ZNF385D: variants seen among roughly 807,000 people sequenced by gnomAD.
ZNF385D encodes zinc finger protein 385D, also known as zinc finger protein 659.
A neutral mutation model predicts 35.8 loss-of-function variants in ZNF385D; 15 were observed. The observed-to-expected ratio is 0.42, with a 90% CI of 0.28 to 0.64. ZNF385D has a LOEUF of 0.64. Among genes scored for constraint, ZNF385D ranks in the 30% least tolerant of loss-of-function variants. The probability of loss-of-function intolerance (pLI) is 0.23; values close to 1 mark genes in which losing one functional copy is unlikely to be tolerated. For synonymous variants in ZNF385D, 212 were observed against 186.8 expected, an observed-to-expected ratio of 1.13 and a Z score of -1.10; for missense variants, 474 against 494.6, an observed-to-expected ratio of 0.96 and a Z score of 0.39.
intron 3 of ZNF385D, among the ~76,000 whole-genome samples, chr3:22,032,260 C>G (rs1169062542): frequency 1.3e-5 from 2 of 152,204 alleles, no homozygotes; most frequent in Non-Finnish European, 2.9e-5. Context: ...CCCACATTTT[C>G]ACATTATCTT....
intron 3 of ZNF385D, among the ~76,000 whole-genome samples, chr3:22,153,157 T>C (rs1033364528): frequency 3.9e-5 from 6 of 152,206 alleles, no homozygotes; most frequent in African/African-American, 1.4e-4. Context: ...CTGTGACTGG[T>C]GAACTCATAT....
intron 4 of ZNF385D, among the ~76,000 whole-genome samples, chr3:21,507,889 T>C (rs1489491616): frequency 1.3e-5 from 2 of 152,196 alleles, no homozygotes; most frequent in African/African-American, 4.8e-5. Context: ...GTCTACGAAA[T>C]GGGTGTCTTT....
chr3:21,549,394 T>C (rs1410980906), intron 3 of ZNF385D, among the ~76,000 whole-genome samples: 1 of 152,236 alleles, frequency 6.6e-6, no homozygotes, highest in African/African-American at 2.4e-5. Flanking sequence ...CCAGTATTTT[T>C]TGCTCTGTCC....
chr3:22,346,930 A>G (rs1314428222), intron 2 of ZNF385D, among the ~76,000 whole-genome samples: 2 of 152,204 alleles, frequency 1.3e-5, no homozygotes, highest in Non-Finnish European at 2.9e-5. Context: ...GATCAGTCAG[A>G]TGTTGTTAAT....
intron 3 of ZNF385D, among the ~76,000 whole-genome samples, chr3:21,817,944 A>G (rs2073225909): frequency 2.0e-5 from 3 of 152,342 alleles, no homozygotes; most frequent in Middle Eastern, 6.8e-3. Context: ...TCCATCAGTG[A>G]CAGACTGGAT....
chr3:21,660,973 C>G (rs1467202116), intron 2 of ZNF385D, among the ~76,000 whole-genome samples: 1 of 152,142 alleles, frequency 6.6e-6, no homozygotes, highest in South Asian at 2.1e-4. Flanking sequence ...GGCTTATATG[C>G]CCATGGATCC....
intron 1 of ZNF385D, among the ~76,000 whole-genome samples, chr3:21,665,285 C>G (rs2066371296): frequency 6.6e-6 from 1 of 152,154 alleles, no homozygotes; most frequent in African/African-American, 2.4e-5. Flanking sequence ...ATGCCCCAAC[C>G]TGTCTTTATT....
chr3:21,969,830 C>G (rs1342625588), intron 3 of ZNF385D, among the ~76,000 whole-genome samples: 1 of 152,074 alleles, frequency 6.6e-6, no homozygotes, highest in African/African-American at 2.4e-5. Context: ...CTGTGTCACC[C>G]TATCTCAGCT....
intron 3 of ZNF385D, among the ~76,000 whole-genome samples, chr3:22,160,518 T>C (rs112912883): frequency 2.8e-4 from 42 of 152,236 alleles, no homozygotes; most frequent in East Asian, 7.7e-4. Context: ...ATCTTGTAAA[T>C]TGAAAATCTT....
intron 2 of ZNF385D, among the ~76,000 whole-genome samples, chr3:22,268,547 C>A (rs1701012750): frequency 1.3e-5 from 2 of 151,966 alleles, no homozygotes. Flanking sequence ...AACCCAAAAG[C>A]AGTAAGGGGC....
At chr3:22,100,411 T>C (rs1559368729) in intron 3 of ZNF385D, among the ~76,000 whole-genome samples, 1 of 149,776 alleles carries the variant, frequency 6.7e-6, no homozygotes, top group Admixed American at 6.7e-5. Flanking sequence ...GTATTCACAA[T>C]AGCAAAGACT....
chr3:22,004,278 A>G (rs1013382561), intron 3 of ZNF385D, among the ~76,000 whole-genome samples: 1 of 152,312 alleles, frequency 6.6e-6, no homozygotes, highest in South Asian at 2.1e-4. Flanking sequence ...GCATATTCAA[A>G]AAATGACTCA....
At chr3:21,799,327 T>C (rs764723719) in intron 3 of ZNF385D, among the ~76,000 whole-genome samples, 4 of 152,180 alleles carry the variant, frequency 2.6e-5, no homozygotes, top group Non-Finnish European at 5.9e-5. Flanking sequence ...TGCCAAGTCA[T>C]ATGGTAACTG....
intron 4 of ZNF385D, among the ~76,000 whole-genome samples, chr3:21,476,232 C>T (rs1704236937): frequency 2.0e-5 from 3 of 152,052 alleles, no homozygotes; most frequent in Non-Finnish European, 2.9e-5. Flanking sequence ...TATTGGTGAT[C>T]TCAGTCTGGA....
chr3:22,258,287 A>G (rs544157084), intron 2 of ZNF385D, among the ~76,000 whole-genome samples: 1 of 151,980 alleles, frequency 6.6e-6, no homozygotes, highest in East Asian at 1.9e-4. Flanking sequence ...AGGAAGACAT[A>G]AAATTATACA....
intron 3 of ZNF385D, among the ~76,000 whole-genome samples, chr3:21,772,768 C>A (rs2071130472): frequency 6.6e-6 from 1 of 151,920 alleles, no homozygotes; most frequent in Admixed American, 6.6e-5. Flanking sequence ...ACGTTCATAA[C>A]AGTGTTATTC....
intron 3 of ZNF385D, among the ~76,000 whole-genome samples, chr3:22,088,798 T>C (rs1163176803): frequency 6.6e-6 from 1 of 152,042 alleles, no homozygotes; most frequent in African/African-American, 2.4e-5. Flanking sequence ...TAAGATTCAA[T>C]AAGAATCCAG....
chr3:22,049,597 A>T (rs1699219939), intron 3 of ZNF385D, among the ~76,000 whole-genome samples: 1 of 152,084 alleles, frequency 6.6e-6, no homozygotes, highest in Non-Finnish European at 1.5e-5. Flanking sequence ...CTGCTTCCTA[A>T]TCTTAGAGGA....
chr3:22,060,724 GATT>G (rs1440779828), intron 3 of ZNF385D, among the ~76,000 whole-genome samples: 2 of 151,966 alleles, frequency 1.3e-5, no homozygotes, highest in Admixed American at 6.6e-5. Context: ...ATATAATATA[GATT>G]ATTATTGGGT....
Sources: gnomAD v4.1 joint callset for allele counts (sites outside exome capture counted in the v4.1 genomes callset) on GRCh38, gnomAD v4.1.1 for gene constraint, MANE v1.5 for transcripts, NCBI Gene and HGNC (gene_info 2026-07-23, HGNC 2026-07-21) for gene names.